The following KPNA7 variants were observed in gnomAD, a reference collection of about 807,000 sequenced individuals.
KPNA7 encodes karyopherin subunit alpha 7.
A neutral mutation model predicts 53.7 loss-of-function variants in KPNA7; 54 were observed. That is an observed-to-expected ratio of 1.01 (90% CI 0.81 to 1.26). The LOEUF (loss-of-function observed/expected upper bound fraction) is 1.26, where lower values mean the gene tolerates loss of function less well. Among genes scored for constraint, KPNA7 ranks in the 50% most tolerant of loss-of-function variants. KPNA7 has a pLI of 0.00. For synonymous variants in KPNA7, 276 were observed against 259.3 expected, an observed-to-expected ratio of 1.06 and a Z score of -0.62; for missense variants, 640 against 644.5, an observed-to-expected ratio of 0.99 and a Z score of 0.07.
the KPNA7 span, among the ~76,000 whole-genome samples, chr7:99,166,836 G>A: frequency 7.9e-5 from 12 of 151,082 alleles, no homozygotes; most frequent in African/African-American, 2.7e-4. Flanking sequence ...GGCCAGGCTG[G>A]TCTCAAACTC....
At chr7:99,149,570 C>A in the KPNA7 span, among the ~76,000 whole-genome samples, 1 of 152,196 alleles carries the variant, frequency 6.6e-6, no homozygotes, top group African/African-American at 2.4e-5. Flanking sequence ...GCTCCAAAAG[C>A]TCCTAGTGAA....
the KPNA7 span, among the ~76,000 whole-genome samples, chr7:99,167,428 A>G: frequency 6.6e-6 from 1 of 151,978 alleles, no homozygotes; most frequent in Non-Finnish European, 1.5e-5. Flanking sequence ...AGAGAACCCT[A>G]TTGTGAACTG....
chr7:99,167,613 CTTTTTTTTTTTTTTTTTTTTT>C, the KPNA7 span, among the ~76,000 whole-genome samples: 148 of 67,144 alleles, frequency 2.2e-3, 2 homozygotes, highest in African/African-American at 8.4e-3. Context: ...TCACACCCAA[CTTTTTTTTTTTTTTTTTTTTT>C]TTTTTTTTTT....
the KPNA7 span, among the ~76,000 whole-genome samples, chr7:99,159,516 T>TC: frequency 1.3e-5 from 2 of 152,038 alleles, no homozygotes; most frequent in Admixed American, 6.6e-5. Flanking sequence ...AGAACAGAAC[T>TC]CCCCATGGAC....
At chr7:99,192,743 C>T (rs1790019107) in intron 6 of KPNA7, among the ~76,000 whole-genome samples, 1 of 152,140 alleles carries the variant, frequency 6.6e-6, no homozygotes, top group South Asian at 2.1e-4. Context: ...AGAGGCCAGG[C>T]AGCAGCCACA....
chr7:99,167,613 CTTTTTTTTTTTTTTTTTTTTTTTT>C, the KPNA7 span, among the ~76,000 whole-genome samples: 5 of 67,040 alleles, frequency 7.5e-5, no homozygotes, highest in Non-Finnish European at 1.0e-4. Flanking sequence ...TCACACCCAA[CTTTTTTTTTTTTTTTTTTTTTTTT>C]TTTTTTTTTT....
In KPNA7 at chr7:99,195,312, G is replaced by C; in HGVS notation, c.311C>G (p.Pro104Arg). 1 of 1,551,582 alleles carries C rather than the reference G, an allele frequency of 6.4e-7. No individual in the cohort carries two copies. The highest frequency in any genetic ancestry group is 8.7e-7 in the Non-Finnish European group (1 of 1,146,948). The change falls in exon 5 of 11, where the codon CCC (proline) becomes CGC (arginine). Residue 104 changes from proline (P) to arginine (R), a missense_variant. By Grantham distance (103) the Pro-to-Arg change is moderately radical. Transcript: ENST00000327442. Reference sequence around the variant, plus strand: ...CGCTTCAATGACCAGTTTCAGAGGGGGGTTCTTTTCCTGGGATAGCATTTT... The same window carrying C: ...CGCTTCAATGACCAGTTTCAGAGGGCGGTTCTTTTCCTGGGATAGCATTTT... ...ARKMLSQEKN[P>R]PLKLVIEAGL...
At chr7:99,179,568 T>C (rs758978206) in intron 9 of KPNA7, among the ~76,000 whole-genome samples, 10 of 150,522 alleles carry the variant, frequency 6.6e-5, no homozygotes, top group Non-Finnish European at 1.0e-4. Flanking sequence ...AATATATATA[T>C]ATATTTATAT....
chr7:99,147,804 T>C, the KPNA7 span, among the ~76,000 whole-genome samples: 1 of 1,890 alleles, frequency 5.3e-4, no homozygotes, highest in Non-Finnish European at 1.4e-3. Context: ...AAAAAAAAAT[T>C]TTTTTTTTTG....
At chr7:99,211,039 A>T (rs1791055661), upstream of KPNA7, among the ~76,000 whole-genome samples, 1 of 152,134 alleles carries the variant, frequency 6.6e-6, no homozygotes. Context: ...AGTGAATAGC[A>T]GCCAAGAATA....
intron 1 of KPNA7, among the ~76,000 whole-genome samples, chr7:99,207,693 TG>T: frequency 8.5e-6 from 1 of 118,044 alleles, no homozygotes; most frequent in South Asian, 3.0e-4. Flanking sequence ...TTGAGTGCAG[TG>T]GGGGGATATC....
At chr7:99,215,976 A>T (rs1185023914) in intron 1 of KPNA7, among the ~76,000 whole-genome samples, 2 of 138,170 alleles carry the variant, frequency 1.4e-5, no homozygotes, top group South Asian at 2.3e-4. Flanking sequence ...TTCTCTAATT[A>T]AAAAAAAAAA....
At chr7:99,154,023 A>G in the KPNA7 span, among the ~76,000 whole-genome samples, 17 of 152,152 alleles carry the variant, frequency 1.1e-4, no homozygotes, top group Admixed American at 1.0e-3. Context: ...CCCCCTCCCA[A>G]AAAACACTTT....
At chr7:99,187,308 C>A (rs1159912532) in intron 7 of KPNA7, among the ~76,000 whole-genome samples, 3 of 151,998 alleles carry the variant, frequency 2.0e-5, no homozygotes, top group Admixed American at 6.6e-5. Flanking sequence ...AAAATAATAA[C>A]CTAGAAAAGC....
At chr7:99,178,524 C>T (rs1173734067) in intron 9 of KPNA7, among the ~76,000 whole-genome samples, 7 of 151,742 alleles carry the variant, frequency 4.6e-5, no homozygotes, top group East Asian at 1.9e-4. Flanking sequence ...TCTGACATTG[C>T]GCCACTGCAC....
At chr7:99,156,240 C>T in the KPNA7 span, among the ~76,000 whole-genome samples, 1 of 152,052 alleles carries the variant, frequency 6.6e-6, no homozygotes, top group Non-Finnish European at 1.5e-5. Flanking sequence ...TCTTATATGG[C>T]TATGTGGTTC....
chr7:99,218,860 G>A (rs1421305462), intron 1 of KPNA7, among the ~76,000 whole-genome samples: 2 of 152,240 alleles, frequency 1.3e-5, no homozygotes, highest in Non-Finnish European at 2.9e-5. Flanking sequence ...TATCTGATCA[G>A]CCAATACCCA....
chr7:99,165,240 G>A, the KPNA7 span, among the ~76,000 whole-genome samples: 1 of 151,578 alleles, frequency 6.6e-6, no homozygotes, highest in African/African-American at 2.4e-5. Flanking sequence ...GTCTACCAAT[G>A]ACAGGCCCTA....
At chr7:99,171,919 CAG>C (rs920777676), downstream of KPNA7, among the ~76,000 whole-genome samples, 2 of 152,166 alleles carry the variant, frequency 1.3e-5, no homozygotes, top group African/African-American at 4.8e-5. Context: ...TGGAGCATGA[CAG>C]AGCTCTCCAG....
Sources: allele counts gnomAD v4.1 joint callset (sites outside exome capture counted in the v4.1 genomes callset), GRCh38; gene constraint gnomAD v4.1.1; transcripts MANE v1.5; gene names NCBI Gene and HGNC (gene_info 2026-07-23, HGNC 2026-07-21).